Variants in P2RY6 observed in about 807,000 individuals in gnomAD.
The protein encoded by P2RY6 is pyrimidinergic receptor P2Y6, also known as P2Y purinoceptor 6.
P2RY6 carries 19 observed loss-of-function variants against 16.3 expected under a neutral mutation model. That is an observed-to-expected ratio of 1.16 (90% CI 0.81 to 1.71). The LOEUF (loss-of-function observed/expected upper bound fraction) is 1.71, where lower values mean the gene tolerates loss of function less well. P2RY6 is among the 40% of genes most tolerant of loss of function. P2RY6 has a pLI of 0.00. For synonymous variants in P2RY6, 184 were observed against 201.5 expected (o/e 0.91, Z 0.74); for missense variants, 389 against 455.5 (o/e 0.85, Z 1.33).
chr11:73,288,257 T>C (rs1864048152), intron 1 of P2RY6, among the ~76,000 whole-genome samples: 1 of 152,134 alleles, frequency 6.6e-6, no homozygotes, highest in African/African-American at 2.4e-5. Context: ...CCCTCATACA[T>C]AGTGGGGTCT....
At chr11:73,296,368 A>T in intron 2 of P2RY6, 117 bp from the exon 3 acceptor site, 1 of 861,422 alleles carries the variant, frequency 1.2e-6, no homozygotes, top group African/African-American at 1.7e-5. Flanking sequence ...AGAGTAGCCG[A>T]GTTGACAAAG....
In P2RY6 at chr11:73,289,741, C is replaced by A. The variant is rs542244769; in HGVS notation, c.-120-5989C>A. On this transcript the variant is annotated intron_variant, in intron 1 of 2. Transcript: ENST00000540124. ...ATCCAAGCTCCGATTTTGGGGGGAACAATGGAGAAGGGGGCCTTAGGGTCA... is the reference window on the plus strand; with the variant it reads ...ATCCAAGCTCCGATTTTGGGGGGAAAAATGGAGAAGGGGGCCTTAGGGTCA... 3.9e-5 allele frequency among the ~76,000 whole-genome samples: 6 copies of A among 152,268 alleles called. No homozygotes were observed. The East Asian group carries it at 1.2e-3, about 29-fold the overall frequency.
intron 1 of P2RY6, among the ~76,000 whole-genome samples, chr11:73,274,924 G>T (rs1259845771): frequency 6.6e-6 from 1 of 152,284 alleles, no homozygotes; most frequent in Non-Finnish European, 1.5e-5. Context: ...GGCAGCCCAG[G>T]CTCTGGCTCT....
chr11:73,295,986 G>A (rs569163400), intron 2 of P2RY6, among the ~76,000 whole-genome samples, 171 bp downstream of exon 2: 14 of 152,192 alleles, frequency 9.2e-5, no homozygotes, highest in Non-Finnish European at 1.9e-4. Context: ...ACCCCAGTGA[G>A]CCCCTGGCAG....
chr11:73,266,287 G>C (rs1048076702), intron 1 of P2RY6, among the ~76,000 whole-genome samples: 2 of 152,230 alleles, frequency 1.3e-5, no homozygotes, highest in Non-Finnish European at 2.9e-5. Flanking sequence ...TGGAGCGTGG[G>C]AGAGAGGTTG....
At chr11:73,266,756 G>A (rs1017096791) in intron 1 of P2RY6, among the ~76,000 whole-genome samples, 1 of 152,126 alleles carries the variant, frequency 6.6e-6, no homozygotes, top group African/African-American at 2.4e-5. Flanking sequence ...TCATGGTGAC[G>A]GGGTGCCATG....
upstream of P2RY6, chr11:73,272,262 C>T (rs1003754541): frequency 1.2e-6 from 1 of 822,902 alleles, no homozygotes; most frequent in Non-Finnish European, 1.5e-6. Context: ...CCTGGCCCTG[C>T]TGCTTGCCAG....
upstream of P2RY6, among the ~76,000 whole-genome samples, chr11:73,268,936 G>T (rs148459761): frequency 6.6e-6 from 1 of 152,194 alleles, no homozygotes; most frequent in South Asian, 2.1e-4. Flanking sequence ...CATGTGGATC[G>T]GAACAGCTCC....
At chr11:73,270,719 A>C (rs1405752261), upstream of P2RY6, among the ~76,000 whole-genome samples, 2 of 152,064 alleles carry the variant, frequency 1.3e-5, no homozygotes, top group African/African-American at 4.8e-5. Flanking sequence ...GGTGGCCCTG[A>C]GTTGCTGCCT....
intron 1 of P2RY6, chr11:73,289,277 G>C (rs528917638): frequency 6.6e-6 from 1 of 152,628 alleles, no homozygotes; most frequent in African/African-American, 2.4e-5. Context: ...TGTCTCTGCT[G>C]TGAGGGGAGG....
chr11:73,275,911 G>A (rs1182986308), intron 1 of P2RY6, among the ~76,000 whole-genome samples: 1 of 152,146 alleles, frequency 6.6e-6, no homozygotes, highest in Non-Finnish European at 1.5e-5. Flanking sequence ...ACCAAGAGCG[G>A]TTAATACTAT....
chr11:73,286,349 C>A (rs771322457), intron 1 of P2RY6, among the ~76,000 whole-genome samples: 8 of 152,122 alleles, frequency 5.3e-5, no homozygotes, highest in Non-Finnish European at 1.2e-4. Flanking sequence ...ACACCCAAAC[C>A]TTACCTGTAC....
chr11:73,266,979 TGTC>T (rs1863126797), intron 1 of P2RY6, among the ~76,000 whole-genome samples: 1 of 152,244 alleles, frequency 6.6e-6, no homozygotes, highest in African/African-American at 2.4e-5. Flanking sequence ...CAAGTGATGC[TGTC>T]GTCACTTCTG....
In P2RY6 at chr11:73,296,778, C is replaced by A; in HGVS notation, c.260C>A (p.Ala87Asp). The change falls in exon 3 of 3, where the codon GCC becomes GAC. Residue 87 changes from alanine (A) to aspartate (D), a missense_variant. By Grantham distance (126) the Ala-to-Asp change is moderately radical (BLOSUM62 -2). Transcript: ENST00000540124. ...CTGCCCCTGCTCATCTACAACTATG[C>A]CCAAGGTGATCACTGGCCCTTTGGC... ...CSLPLLIYNY[A>D]QGDHWPFGDF... 6.2e-7 allele frequency: 1 copy of A among 1,612,210 alleles called. No individual in the cohort carries two copies.
chr11:73,272,774 G>A (rs1863369674), intron 1 of P2RY6, among the ~76,000 whole-genome samples: 1 of 152,222 alleles, frequency 6.6e-6, no homozygotes, highest in East Asian at 1.9e-4. Context: ...AGCCACAAAG[G>A]TCTTGGTTGG....
At chr11:73,265,738 G>T (rs945870263) in intron 1 of P2RY6, among the ~76,000 whole-genome samples, 1 of 152,182 alleles carries the variant, frequency 6.6e-6, no homozygotes, top group African/African-American at 2.4e-5. Flanking sequence ...GAAGAAGGGG[G>T]TTCCCCTAGC....
Position 73,297,397 on chromosome 11 carries a change from C to G in P2RY6, c.879C>G (p.Asn293Lys), listed in dbSNP as rs2135771903. ...YKGTRPFASA[N>K]SVLDPILFYF... ...GCACGCGGCCGTTTGCCAGTGCCAA[C>G]AGCGTGCTGGACCCCATCCTCTTCT... Residue 293 changes from asparagine to lysine, a missense_variant, in exon 3 of 3, where the codon AAC becomes AAG. Asn to Lys is a moderately conservative substitution (Grantham distance 94). Transcript: ENST00000540124. The G allele has an allele frequency of 6.2e-7, 1 of 1,612,394 alleles. No homozygotes were observed.
intron 1 of P2RY6, among the ~76,000 whole-genome samples, chr11:73,274,299 T>A (rs374094306): frequency 7.9e-5 from 12 of 152,218 alleles, no homozygotes; most frequent in Admixed American, 2.6e-4. Context: ...GCTGAATGAA[T>A]AAATAAATGA....
upstream of P2RY6, chr11:73,271,650 G>C (rs1863314249): frequency 6.6e-6 from 1 of 152,306 alleles, no homozygotes; most frequent in Non-Finnish European, 1.5e-5. Context: ...GCTTAGGTCA[G>C]GCAGGCCCAG....
Sources: gnomAD v4.1 joint callset for allele counts (sites outside exome capture counted in the v4.1 genomes callset) on GRCh38, gnomAD v4.1.1 for gene constraint, MANE v1.5 for transcripts, NCBI Gene and HGNC (gene_info 2026-07-23, HGNC 2026-07-21) for gene names.